The following GRIK2 variants were observed in gnomAD, a reference collection of about 807,000 sequenced individuals.
GRIK2 encodes the protein glutamate ionotropic receptor kainate type subunit 2.
GRIK2 carries 32 observed loss-of-function variants against 100.3 expected under a neutral mutation model. That is an observed-to-expected ratio of 0.32 (90% CI 0.24 to 0.43). GRIK2 has a LOEUF of 0.43. Among genes scored for constraint, GRIK2 ranks in the 20% least tolerant of loss-of-function variants. The pLI is 1.00. For missense variants in GRIK2, 843 were observed against 1,114.9 expected (o/e 0.76, Z 3.47); for synonymous variants, 417 against 389.4 (o/e 1.07, Z -0.83).
At chr6:101,905,875 A>G (rs888125776) in intron 12 of GRIK2, among the ~76,000 whole-genome samples, 3 of 151,492 alleles carry the variant, frequency 2.0e-5, no homozygotes, top group African/African-American at 7.2e-5. Flanking sequence ...ATTTTTATTT[A>G]TTGTTTGATT....
intron 2 of GRIK2, among the ~76,000 whole-genome samples, chr6:101,612,854 A>T (rs773918339): frequency 6.6e-6 from 1 of 151,552 alleles, no homozygotes; most frequent in Non-Finnish European, 1.5e-5. Flanking sequence ...GGTAAAGGTA[A>T]GTGGTTTAAT....
chr6:101,496,959 A>G, intron 2 of GRIK2, among the ~76,000 whole-genome samples: 2 of 152,302 alleles, frequency 1.3e-5, no homozygotes, highest in Admixed American at 1.3e-4. Context: ...AAGTAGGCTG[A>G]AAAATAATTA....
At chr6:101,600,638 A>T (rs936025378) in intron 2 of GRIK2, among the ~76,000 whole-genome samples, 3 of 151,056 alleles carry the variant, frequency 2.0e-5, no homozygotes, top group African/African-American at 7.3e-5. Flanking sequence ...CATGTAGTTG[A>T]AGGTTTTTGT....
At position 101,619,863 on chromosome 6, in the gene GRIK2, A is replaced by G. The variant is rs619448; in HGVS notation, c.116-2086A>G. On this transcript the variant is annotated intron_variant, in intron 2 of 16. Transcript: ENST00000369134. ...ACAGGCAAGGGTTTTGAAGTCAGGC[A>G]TGAGCAGATTCTACTAGTGGCTCTA... Among the ~76,000 whole-genome samples the G allele has an allele frequency of 6.7e-3, 1,020 of 152,258 alleles. 16 individuals carry two copies. The highest frequency in any genetic ancestry group is 0.024 in the African/African-American group (993 of 41,564).
Position 101,714,844 on chromosome 6 carries a change from A to G in GRIK2, c.951+28491A>G, listed in dbSNP as rs370500677. On this transcript the variant is annotated intron_variant, in intron 7 of 16. Coordinates refer to ENST00000369134, the MANE Select transcript of GRIK2 (RefSeq NM_021956.5). ...AGAGGAATTAATTTTTTTAAAGTCT[A>G]TAATGCAAACAAATTATTATGATAT... 1.7e-4 allele frequency among the ~76,000 whole-genome samples: 26 copies of G among 151,884 alleles called. No homozygotes were observed. In the East Asian group the frequency reaches 3.7e-3, roughly 22 times the overall value.
chr6:101,651,113 A>C (rs1345868941), intron 4 of GRIK2, among the ~76,000 whole-genome samples: 1 of 148,576 alleles, frequency 6.7e-6, no homozygotes, highest in Admixed American at 6.9e-5. Context: ...TCTCATCTTC[A>C]CTTTCCTAGA....
chr6:102,054,114 A>C (rs1771346677), intron 15 of GRIK2, among the ~76,000 whole-genome samples: 2 of 152,194 alleles, frequency 1.3e-5, no homozygotes, highest in Non-Finnish European at 2.9e-5. Context: ...TAGAGAAGCC[A>C]TAAACTTCTA....
chr6:101,442,070 G>C (rs1770098999), intron 2 of GRIK2, among the ~76,000 whole-genome samples: 1 of 151,944 alleles, frequency 6.6e-6, no homozygotes, highest in Non-Finnish European at 1.5e-5. Context: ...GAGAAGAAAC[G>C]TTGATTGAGA....
chr6:101,852,703 A>G (rs919533963), intron 10 of GRIK2, among the ~76,000 whole-genome samples: 9 of 152,184 alleles, frequency 5.9e-5, no homozygotes, highest in African/African-American at 2.2e-4. Context: ...TTGTTGCAGG[A>G]GCACCAGAAA....
At chr6:101,665,954 G>T (rs777620857) in intron 4 of GRIK2, among the ~76,000 whole-genome samples, 3 of 152,132 alleles carry the variant, frequency 2.0e-5, no homozygotes, top group Non-Finnish European at 2.9e-5. Flanking sequence ...AATACTGTTT[G>T]TAGTATCTAT....
At chr6:101,969,640 T>C (rs1443177353) in intron 14 of GRIK2, among the ~76,000 whole-genome samples, 2 of 152,122 alleles carry the variant, frequency 1.3e-5, no homozygotes, top group African/African-American at 2.4e-5. Flanking sequence ...AATGGAATTA[T>C]TTTTGTCTTC....
At chr6:102,007,112 A>C (rs1398032523) in intron 14 of GRIK2, among the ~76,000 whole-genome samples, 3 of 152,266 alleles carry the variant, frequency 2.0e-5, no homozygotes, top group African/African-American at 7.2e-5. Context: ...AATTGTTTCC[A>C]GTAACAGTAA....
intron 2 of GRIK2, among the ~76,000 whole-genome samples, chr6:101,488,199 GTCT>G (rs1772925861): frequency 6.8e-6 from 1 of 146,154 alleles, no homozygotes. Flanking sequence ...AAATTATTCT[GTCT>G]TGTTTAACTG....
intron 11 of GRIK2, among the ~76,000 whole-genome samples, chr6:101,876,680 A>G (rs1253069641): frequency 6.6e-6 from 1 of 151,892 alleles, no homozygotes; most frequent in Non-Finnish European, 1.5e-5. Context: ...CTTTGTTAAA[A>G]TAGTCAATTT....
Position 102,065,513 on chromosome 6 carries a change from AAGTT to A in GRIK2, c.2563-2828_2563-2825del, listed in dbSNP as rs576676497. Among the ~76,000 whole-genome samples the A allele has an allele frequency of 5.8e-4, 88 of 151,386 alleles. No homozygotes were observed. The South Asian group carries it at 0.015, about 26-fold the overall frequency. On this transcript the variant is annotated intron_variant, in intron 16 of 16. Transcript: ENST00000369134. Reference sequence around the variant, plus strand: ...ACATGTGTAAGATTTTTTCCTAAGAAAGTTAGTTACTTAGCCTACTCCCTTACTA... The same window carrying A: ...ACATGTGTAAGATTTTTTCCTAAGAAAGTTACTTAGCCTACTCCCTTACTA...
At chr6:101,756,980 A>T (rs1259729307) in intron 7 of GRIK2, among the ~76,000 whole-genome samples, 1 of 152,198 alleles carries the variant, frequency 6.6e-6, no homozygotes, top group African/African-American at 2.4e-5. Context: ...TTTAATTTTG[A>T]AAAGCGACCT....
chr6:101,984,673 CA>C (rs1793919913), intron 14 of GRIK2, among the ~76,000 whole-genome samples: 1 of 135,212 alleles, frequency 7.4e-6, no homozygotes, highest in Non-Finnish European at 1.6e-5. Flanking sequence ...ACTTTAACAG[CA>C]TCTTTTCTGT....
At chr6:101,567,258 C>G (rs1777321611) in intron 2 of GRIK2, among the ~76,000 whole-genome samples, 1 of 151,748 alleles carries the variant, frequency 6.6e-6, no homozygotes, top group African/African-American at 2.4e-5. Context: ...CACATTCTTT[C>G]TATCTTATTT....
intron 7 of GRIK2, among the ~76,000 whole-genome samples, chr6:101,725,416 T>G (rs1189091204): frequency 6.6e-6 from 1 of 152,106 alleles, no homozygotes; most frequent in East Asian, 1.9e-4. Context: ...GAATTCACAT[T>G]GTCTTATAGT....
Sources: gnomAD v4.1 joint callset for allele counts (sites outside exome capture counted in the v4.1 genomes callset) on GRCh38, gnomAD v4.1.1 for gene constraint, MANE v1.5 for transcripts, NCBI Gene and HGNC (gene_info 2026-07-23, HGNC 2026-07-21) for gene names.